Variants in DPP6 observed in about 807,000 individuals in gnomAD.
The protein encoded by DPP6 is A-type potassium channel modulatory protein DPP6.
DPP6 carries 69 observed loss-of-function variants against 122.6 expected under a neutral mutation model. The observed-to-expected ratio is 0.56, with a 90% CI of 0.46 to 0.69. The LOEUF (loss-of-function observed/expected upper bound fraction) is 0.69, where lower values mean the gene tolerates loss of function less well. Ranked by LOEUF, DPP6 falls within the 30% of genes least tolerant of loss-of-function variation. The pLI is 0.00. For missense variants in DPP6, 928 were observed against 1,116.9 expected (o/e 0.83, Z 2.41); for synonymous variants, 418 against 433.1 (o/e 0.97, Z 0.43).
rs892633206 is a variant in DPP6, at chr7:154,038,267, G to A, written c.51+150533G>A. ...AGATGGAAGTAGTCCCTCCTCTCAAGGAGTCTGTCCTCTACTGGGGAGATA... is the reference window on the plus strand; with the variant it reads ...AGATGGAAGTAGTCCCTCCTCTCAAAGAGTCTGTCCTCTACTGGGGAGATA... On this transcript the variant is annotated intron_variant, in intron 1 of 25. Transcript: ENST00000404039. Among the ~76,000 whole-genome samples the A allele has an allele frequency of 5.5e-5, 7 of 127,978 alleles. No homozygotes were observed. In the Admixed American group the frequency reaches 5.6e-4, roughly 10 times the overall value. The allele number at this position is 127,978 out of a possible 152,430, so 84.0% of individuals were successfully genotyped here.
chr7:154,662,646 A>G (rs200442155), intron 6 of DPP6, among the ~76,000 whole-genome samples: 4,851 of 62,830 alleles, frequency 0.077, 361 homozygotes, highest in African/African-American at 0.13. Context: ...CGTATCGGCC[A>G]TAGTGTTCAT....
chr7:154,685,650 G>C (rs758570890), intron 7 of DPP6, among the ~76,000 whole-genome samples: 2 of 152,162 alleles, frequency 1.3e-5, no homozygotes, highest in African/African-American at 4.8e-5. Context: ...CCATCACAAG[G>C]GAGGTGCTGA....
At chr7:154,727,385 T>A (rs2131364306) in intron 7 of DPP6, among the ~76,000 whole-genome samples, 1 of 152,280 alleles carries the variant, frequency 6.6e-6, no homozygotes. Flanking sequence ...AAGGGAGAAA[T>A]CTAGCCCCAT....
rs1833586339 is a variant in DPP6 at position 154,606,324 on chromosome 7, T to C, written c.628-31497T>C. 1.7e-5 allele frequency among the ~76,000 whole-genome samples: 2 copies of C among 121,190 alleles called. 1 individual carries two copies. Among genetic ancestry groups the C allele is most frequent in the Non-Finnish European group, 3.7e-5 (2 of 53,648 alleles). 79.5% of individuals were successfully genotyped at this position (121,190 alleles called of 152,430 possible). A position where few individuals can be genotyped will look rare whatever the true frequency, so the allele number is the denominator to read the frequency against. On this transcript the variant is annotated intron_variant, in intron 5 of 25. Coordinates refer to ENST00000377770, the MANE Select transcript of DPP6 (RefSeq NM_130797.4). ...CCTACAAGTTCAGGATTGTAATCAC[T>C]TCCTGATCAATTATTTCTTTTTATC...
intron 8 of DPP6, among the ~76,000 whole-genome samples, chr7:154,749,572 T>C (rs570572416): frequency 7.4e-5 from 9 of 121,632 alleles, no homozygotes; most frequent in African/African-American, 2.7e-4. Context: ...TGAGAGATGG[T>C]CAGGGAGCAT....
At chr7:153,828,957 T>C in the DPP6 span, among the ~76,000 whole-genome samples, 553 of 152,324 alleles carry the variant, frequency 3.6e-3, 2 homozygotes, top group African/African-American at 0.013. Flanking sequence ...TTTGAATATA[T>C]TTGTTCCAAA....
the DPP6 span, among the ~76,000 whole-genome samples, chr7:153,855,677 G>A: frequency 6.6e-6 from 1 of 152,226 alleles, no homozygotes; most frequent in South Asian, 2.1e-4. Flanking sequence ...ACTTCTGTGT[G>A]TGTTTGGGCA....
At chr7:153,935,518 C>G (rs943441479) in intron 1 of DPP6, among the ~76,000 whole-genome samples, 1 of 152,194 alleles carries the variant, frequency 6.6e-6, no homozygotes, top group African/African-American at 2.4e-5. Flanking sequence ...GTCCGAGGCC[C>G]CGTTGGCCCC....
chr7:154,852,806 G>A (rs1163748618), intron 16 of DPP6, among the ~76,000 whole-genome samples: 1 of 152,230 alleles, frequency 6.6e-6, no homozygotes, highest in East Asian at 1.9e-4. Flanking sequence ...GGAAAGCTGT[G>A]AGAATGGAGG....
chr7:153,842,122 A>G, the DPP6 span, among the ~76,000 whole-genome samples: 1 of 152,214 alleles, frequency 6.6e-6, no homozygotes, highest in Non-Finnish European at 1.5e-5. Flanking sequence ...ATAAAAATCA[A>G]ACATATATAT....
At chr7:154,858,481 C>T (rs1803024719) in intron 17 of DPP6, 1 of 152,422 alleles carries the variant, frequency 6.6e-6, no homozygotes, top group Non-Finnish European at 1.5e-5. Context: ...CCTGCACTCC[C>T]ATTGAGATGA....
chr7:154,440,005 G>T (rs930884083), intron 1 of DPP6, among the ~76,000 whole-genome samples: 2 of 152,160 alleles, frequency 1.3e-5, no homozygotes, highest in Non-Finnish European at 2.9e-5. Context: ...ACTGCCCAGG[G>T]GAAGAGGGGC....
intron 3 of DPP6, among the ~76,000 whole-genome samples, chr7:154,536,239 G>A (rs1223922101): frequency 1.3e-5 from 2 of 152,094 alleles, no homozygotes; most frequent in Non-Finnish European, 2.9e-5. Context: ...TTCTAGGAGA[G>A]GCAAAACTAC....
intron 1 of DPP6, among the ~76,000 whole-genome samples, chr7:153,927,268 G>C (rs980096459): frequency 6.6e-6 from 1 of 152,182 alleles, no homozygotes; most frequent in South Asian, 2.1e-4. Flanking sequence ...AGCTGTGGTC[G>C]TGCCACTGCA....
intron 1 of DPP6, among the ~76,000 whole-genome samples, chr7:153,937,991 G>A (rs538710130): frequency 1.1e-3 from 161 of 152,296 alleles, no homozygotes; most frequent in African/African-American, 3.7e-3. Flanking sequence ...CAGGTGCTAC[G>A]AGGGCTGTCC....
chr7:154,663,740 TCGGCCG>T (rs1837930289), intron 6 of DPP6, among the ~76,000 whole-genome samples: 1 of 83,858 alleles, frequency 1.2e-5, no homozygotes, highest in African/African-American at 3.4e-5. Context: ...CCATGGCGTA[TCGGCCG>T]TAGTGTTCAT....
intron 6 of DPP6, among the ~76,000 whole-genome samples, chr7:154,665,893 C>G (rs1227456545): frequency 1.3e-5 from 2 of 151,806 alleles, no homozygotes; most frequent in African/African-American, 2.4e-5. Flanking sequence ...TCATTATCTC[C>G]AATATATTTA....
intron 1 of DPP6, among the ~76,000 whole-genome samples, chr7:154,181,145 C>T (rs1798061375): frequency 6.6e-6 from 1 of 152,146 alleles, no homozygotes; most frequent in Admixed American, 6.5e-5. Flanking sequence ...CAACAGGCTA[C>T]CCACAGATCT....
intron 1 of DPP6, among the ~76,000 whole-genome samples, chr7:154,289,589 C>T (rs1364393321): frequency 6.6e-6 from 1 of 152,126 alleles, no homozygotes; most frequent in African/African-American, 2.4e-5. Context: ...GGTCCCTTCC[C>T]CAATGAAACC....
Sources: allele counts gnomAD v4.1 joint callset (sites outside exome capture counted in the v4.1 genomes callset), GRCh38; gene constraint gnomAD v4.1.1; transcripts MANE v1.5; gene names NCBI Gene and HGNC (gene_info 2026-07-23, HGNC 2026-07-21).